The following EPAS1 variants were observed in gnomAD, a reference collection of about 807,000 sequenced individuals.
The protein encoded by EPAS1 is endothelial PAS domain-containing protein 1.
Under a neutral mutation model 87.9 loss-of-function variants are expected in EPAS1, and 23 were observed. The observed-to-expected ratio is 0.26, with a 90% confidence interval of 0.19 to 0.37. The LOEUF is 0.37. EPAS1 is among the 10% of genes least tolerant of loss of function. The probability of loss-of-function intolerance (pLI) is 1.00; values close to 1 mark genes in which losing one functional copy is unlikely to be tolerated. For missense variants in EPAS1, 1,138 were observed against 1,120.7 expected (o/e 1.02, Z -0.22); for synonymous variants, 508 against 444.3 (o/e 1.14, Z -1.80).
At chr2:46,338,593 C>G (rs373221114) in intron 1 of EPAS1, among the ~76,000 whole-genome samples, 18 of 152,324 alleles carry the variant, frequency 1.2e-4, no homozygotes, top group East Asian at 5.8e-4. Context: ...TTTATTTTTA[C>G]AGTGGGGGAA....
chr2:46,382,301 G>A (rs1684916893), intron 14 of EPAS1, 124 bp from the exon 15 acceptor site: 1 of 1,330,014 alleles, frequency 7.5e-7, no homozygotes, highest in Admixed American at 1.7e-5. Context: ...AGAGGGTCCT[G>A]AAGGTTGGCT....
chr2:46,308,460 T>TGC (rs1553388762), intron 1 of EPAS1, among the ~76,000 whole-genome samples: 1 of 109,228 alleles, frequency 9.2e-6, no homozygotes, highest in East Asian at 2.8e-4. Context: ...TGCTTTTTTT[T>TGC]GGGGGGGGGG....
chr2:46,372,814 G>C (rs1684654324), intron 7 of EPAS1, among the ~76,000 whole-genome samples: 1 of 152,232 alleles, frequency 6.6e-6, no homozygotes, highest in South Asian at 2.1e-4. Context: ...TAAGAGCCCT[G>C]AATTTGGTTT....
chr2:46,370,604 G>A (rs1684608550), intron 7 of EPAS1, among the ~76,000 whole-genome samples: 3 of 152,254 alleles, frequency 2.0e-5, no homozygotes, highest in African/African-American at 7.2e-5. Context: ...AAGGACTCTG[G>A]AAGAGGGCTG....
Position 46,369,917 on chromosome 2 carries a change from C to G in EPAS1, c.870C>G (p.Thr290=). 1.2e-6 allele frequency: 2 copies of G among 1,610,488 alleles called. 1 individual carries two copies. The highest frequency in any genetic ancestry group is 2.7e-5 in the African/African-American group (2 of 74,994). ...FYHALDSENM[T]KSHQNLCTKG... is the part of the protein sequence containing the mutation. ...ATGCGCTAGACTCCGAGAACATGAC[C>G]AAGAGTCACCAGAACTGTGAGTTCC... Residue 290 remains threonine, a synonymous_variant, in exon 7 of 16, where the codon ACC becomes ACG. Transcript: ENST00000263734.
At chr2:46,345,244 CA>C (rs1684000510) in intron 1 of EPAS1, among the ~76,000 whole-genome samples, 1 of 152,106 alleles carries the variant, frequency 6.6e-6, no homozygotes, top group Non-Finnish European at 1.5e-5. Context: ...ACTACAGGTC[CA>C]AATACTACCA....
chr2:46,378,840 T>C (rs1449127861), intron 11 of EPAS1, 73 bp downstream of exon 11: 1 of 1,343,688 alleles, frequency 7.4e-7, no homozygotes, highest in Non-Finnish European at 1.1e-6. Context: ...ACATCCATTC[T>C]TGTAGCCTCA....
At position 46,380,702 on chromosome 2, in the gene EPAS1, C is replaced by G. The variant is rs1684869542; in HGVS notation, c.2030C>G (p.Ser677Cys). 6.2e-7 allele frequency: 1 copy of G among 1,612,404 alleles called. No homozygotes were observed. Among genetic ancestry groups the G allele is most frequent in the South Asian group, 1.1e-5 (1 of 91,076 alleles). ...CCCCCTGTCTCTCCACCCCATGTCTCCACCTTCAAGACAAGGTAAGTGGCA... is the reference window on the plus strand; with the variant it reads ...CCCCCTGTCTCTCCACCCCATGTCTGCACCTTCAAGACAAGGTAAGTGGCA... ...LGPPVSPPHV[S>C]TFKTRSAKGF... The change falls in exon 12 of 16, where the codon TCC (serine) becomes TGC (cysteine). Residue 677 changes from serine (S) to cysteine (C), a missense_variant. Coordinates refer to ENST00000263734, the MANE Select transcript of EPAS1 (RefSeq NM_001430.5). The surrounding 1 kb of genome is among the most constrained non-coding windows in gnomAD (Gnocchi z 4.4).
At chr2:46,362,447 C>G (rs1354006032) in intron 6 of EPAS1, among the ~76,000 whole-genome samples, 1 of 152,164 alleles carries the variant, frequency 6.6e-6, no homozygotes, top group African/African-American at 2.4e-5. Flanking sequence ...GGAGCTGAAA[C>G]CACTTCTGAA....
chr2:46,301,584 A>T (rs932860885), intron 1 of EPAS1, among the ~76,000 whole-genome samples: 1 of 151,830 alleles, frequency 6.6e-6, no homozygotes, highest in Non-Finnish European at 1.5e-5. Context: ...CAAAGAAAAA[A>T]AAAAAAAAAA....
intron 1 of EPAS1, among the ~76,000 whole-genome samples, chr2:46,341,321 A>G (rs1348200238): frequency 1.3e-5 from 2 of 152,192 alleles, no homozygotes; most frequent in Non-Finnish European, 2.9e-5. Context: ...ACTGGATAAT[A>G]TTGTTTGGGG....
intron 1 of EPAS1, among the ~76,000 whole-genome samples, chr2:46,314,527 C>A (rs889510550): frequency 3.9e-5 from 6 of 152,230 alleles, no homozygotes; most frequent in Admixed American, 3.9e-4. Context: ...AGGCAAGTGC[C>A]AATCAGCTGG....
At chr2:46,384,142 A>G (rs1175392953) in intron 15 of EPAS1, among the ~76,000 whole-genome samples, 1 of 152,164 alleles carries the variant, frequency 6.6e-6, no homozygotes, top group Non-Finnish European at 1.5e-5. Context: ...TTGCATCTGT[A>G]TGTATGTGTG....
chr2:46,381,437 G>A (rs779932928), intron 12 of EPAS1, 159 bp from the exon 13 acceptor site: 46 of 1,130,932 alleles, frequency 4.1e-5, no homozygotes, highest in African/African-American at 2.3e-4. Context: ...GCTCGAGCTC[G>A]GCCTGCAGGT....
chr2:46,329,353 G>T (rs1683627034), intron 1 of EPAS1, among the ~76,000 whole-genome samples: 1 of 152,158 alleles, frequency 6.6e-6, no homozygotes, highest in South Asian at 2.1e-4. Context: ...AGGGGAACGT[G>T]TAGGCTATCC....
At chr2:46,369,973 G>A (rs768098818) in intron 7 of EPAS1, 40 bp downstream of exon 7, 3 of 1,486,530 alleles carry the variant, frequency 2.0e-6, no homozygotes, top group South Asian at 2.3e-5. Context: ...CCTTGTGTCT[G>A]TGGTATGTGG....
In EPAS1 at chr2:46,384,494, C is replaced by T. The variant is rs1684966716; in HGVS notation, c.2462-15C>T. 6.2e-7 allele frequency: 1 copy of T among 1,614,062 alleles called. No homozygotes were observed. Among genetic ancestry groups the T allele is most frequent in the Non-Finnish European group, 8.5e-7 (1 of 1,180,044 alleles). On this transcript the variant is annotated splice_polypyrimidine_tract_variant and intron_variant, in intron 15 of 15. Coordinates refer to ENST00000263734, the MANE Select transcript of EPAS1 (RefSeq NM_001430.5). ...GATTTAGGCCTTTAAGTTATGGTAC[C>T]AACCCTTCTTTCAGGCATGGCAAGC...
In EPAS1 at chr2:46,380,068, TGAG is replaced by T; in HGVS notation, c.1555-157_1555-155del. 8.5e-7 allele frequency: 1 copy of T among 1,173,846 alleles called. No homozygotes were observed. The highest frequency in any genetic ancestry group is 1.2e-5 in the South Asian group (1 of 80,970). The allele number at this position is 1,173,846 out of a possible 1,614,324, so 72.7% of individuals were successfully genotyped here. ...GTCGTGTACATGACACAGCCAAGTC[TGAG>T]GTTTTCCTGATAGGCCCTCGGGAGC... On this transcript the variant is annotated intron_variant, in intron 11 of 15. Transcript: ENST00000263734. This position sits in a 1 kb window ranked among gnomAD's most constrained non-coding sequence, Gnocchi z 4.4.
chr2:46,326,077 G>T (rs1474825269), intron 1 of EPAS1, among the ~76,000 whole-genome samples: 1 of 152,318 alleles, frequency 6.6e-6, no homozygotes, highest in African/African-American at 2.4e-5. Context: ...AAATGATTCT[G>T]TGCTGCTGGG....
Sources: gnomAD v4.1 joint callset for allele counts (sites outside exome capture counted in the v4.1 genomes callset) on GRCh38, gnomAD v4.1.1 for gene constraint, Gnocchi (gnomAD v3.1) non-coding constraint, MANE v1.5 for transcripts, NCBI Gene and HGNC (gene_info 2026-07-23, HGNC 2026-07-21) for gene names.